RHOBTB1: variants seen among roughly 807,000 people sequenced by gnomAD.
RHOBTB1 encodes the protein rho-related BTB domain-containing protein 1.
Under a neutral mutation model 71.6 loss-of-function variants are expected in RHOBTB1, and 40 were observed. The observed-to-expected ratio is 0.56, with a 90% CI of 0.43 to 0.73. The LOEUF is 0.73. Ranked by LOEUF, RHOBTB1 falls within the 30% of genes least tolerant of loss-of-function variation. The pLI is 0.00. For missense variants in RHOBTB1, 797 were observed against 894.0 expected (o/e 0.89, Z 1.38); for synonymous variants, 319 against 334.9 (o/e 0.95, Z 0.52).
At chr10:60,980,400 T>C (rs899803984) in intron 2 of RHOBTB1, among the ~76,000 whole-genome samples, 1 of 152,162 alleles carries the variant, frequency 6.6e-6, no homozygotes, top group East Asian at 1.9e-4. Flanking sequence ...CTTTGGGAAC[T>C]TCAAGCATTG....
intron 2 of RHOBTB1, among the ~76,000 whole-genome samples, chr10:60,939,974 C>T (rs1449144442): frequency 6.6e-6 from 1 of 152,058 alleles, no homozygotes; most frequent in Non-Finnish European, 1.5e-5. Flanking sequence ...TTTATGGTTG[C>T]TTTATTGATA....
intron 7 of RHOBTB1, among the ~76,000 whole-genome samples, chr10:60,878,748 C>T (rs977415810): frequency 3.9e-5 from 6 of 152,224 alleles, no homozygotes; most frequent in African/African-American, 1.4e-4. Flanking sequence ...AGTCTCCTTC[C>T]TGAGTGCCTG....
chr10:60,873,320 G>T (rs1314177031), intron 9 of RHOBTB1, among the ~76,000 whole-genome samples: 1 of 152,180 alleles, frequency 6.6e-6, no homozygotes, highest in Non-Finnish European at 1.5e-5. Flanking sequence ...CATCAGCCAT[G>T]ATGGGAGTAT....
chr10:60,918,665 T>A (rs1222183234), intron 2 of RHOBTB1, among the ~76,000 whole-genome samples: 1 of 152,158 alleles, frequency 6.6e-6, no homozygotes, highest in Non-Finnish European at 1.5e-5. Flanking sequence ...CTAATTGCTG[T>A]GAATCATCCC....
chr10:60,957,038 A>G (rs1319659854), intron 2 of RHOBTB1, among the ~76,000 whole-genome samples: 1 of 152,196 alleles, frequency 6.6e-6, no homozygotes, highest in Non-Finnish European at 1.5e-5. Flanking sequence ...ATTTTGCTAT[A>G]TTTATAACAA....
rs905589139 is a variant in RHOBTB1, at chr10:60,871,322, G to A, written c.*160C>T. Reference sequence around the variant, plus strand: ...CTCATTGATGGTGAGCTTGTGCTTTGATCCTAACAAAGATAAATGCACAAA... The same window carrying A: ...CTCATTGATGGTGAGCTTGTGCTTTAATCCTAACAAAGATAAATGCACAAA... On this transcript the variant is annotated 3_prime_UTR_variant, in exon 11 of 11. Transcript: ENST00000337910. 3 of 655,122 alleles carry A rather than the reference G, an allele frequency of 4.6e-6. No homozygotes were observed. Among genetic ancestry groups the A allele is most frequent in the African/African-American group, 3.7e-5 (2 of 54,630 alleles). 40.6% of individuals were successfully genotyped at this position (655,122 alleles called of 1,614,324 possible). A position where few individuals can be genotyped will look rare whatever the true frequency, so the allele number is the denominator to read the frequency against.
intron 2 of RHOBTB1, among the ~76,000 whole-genome samples, chr10:60,960,040 T>C (rs2085725735): frequency 6.6e-6 from 1 of 152,182 alleles, no homozygotes; most frequent in African/African-American, 2.4e-5. Flanking sequence ...ACATGGAGAT[T>C]GGTAGGTGTT....
rs1255988250 is a variant in RHOBTB1, at chr10:60,886,302, A to G, written c.1457-72T>C. On this transcript the variant is annotated intron_variant, in intron 6 of 10. Transcript: ENST00000337910. ...AGCTTCAACCAAGGCTTCTGCTCCC[A>G]TAGCCACCAAACTGCGACTCCCTTA... is the stretch of plus-strand genomic sequence containing the variant. 10 of 1,046,464 alleles carry G rather than the reference A, an allele frequency of 9.6e-6. No individual in the cohort carries two copies. The Admixed American group carries it at 1.4e-4, about 15-fold the overall frequency. The allele number at this position is 1,046,464 out of a possible 1,614,324, so 64.8% of individuals were successfully genotyped here.
At position 60,999,163 on chromosome 10, in the gene RHOBTB1, A is replaced by C. The variant is rs372430478; in HGVS notation, c.-163+2236T>G. Among the ~76,000 whole-genome samples the C allele has an allele frequency of 1.2e-3, 177 of 152,344 alleles. 1 individual carries two copies. Among genetic ancestry groups the C allele is most frequent in the African/African-American group, 2.9e-3 (119 of 41,572 alleles). ...GTAGAGCAGAGGTTAAGTTACTTGG[A>C]TAAAGGAGGAGTGGCGGCAGAGGGA... On this transcript the variant is annotated intron_variant, in intron 1 of 11. Transcript: ENST00000357917.
At chr10:60,995,236 G>A (rs965589824) in intron 1 of RHOBTB1, among the ~76,000 whole-genome samples, 1 of 152,112 alleles carries the variant, frequency 6.6e-6, no homozygotes, top group Non-Finnish European at 1.5e-5. Context: ...TGCTTACTGT[G>A]TACCAGGCAC....
Position 60,883,109 on chromosome 10 carries a change from C to T in RHOBTB1, c.1575+3003G>A, listed in dbSNP as rs146871240. On this transcript the variant is annotated intron_variant, in intron 7 of 10. Transcript: ENST00000337910. The stretch of plus-strand genomic sequence containing the variant: ...AATAAAGTGAAGGGACGGGAAGGGG[C>T]GAGAATGTCGACAGCTCATTGCATT... 5.9e-5 allele frequency among the ~76,000 whole-genome samples: 9 copies of T among 152,178 alleles called. No homozygotes were observed. In the South Asian group the frequency reaches 1.7e-3, roughly 28 times the overall value.
In RHOBTB1 at chr10:60,875,000, C is replaced by T. The variant is rs752356271; in HGVS notation, c.1769G>A (p.Gly590Asp). 5 of 1,614,148 alleles carry T rather than the reference C, an allele frequency of 3.1e-6. No individual in the cohort carries two copies. The highest frequency in any genetic ancestry group is 4.2e-6 in the Non-Finnish European group (5 of 1,179,988). The change falls in exon 9 of 11, where the codon GGC becomes GAC. Residue 590 changes from glycine to aspartate, a missense_variant. By Grantham distance (94) the Gly-to-Asp change is moderately conservative (BLOSUM62 -1). Coordinates refer to ENST00000337910, the MANE Select transcript of RHOBTB1 (RefSeq NM_014836.5). ...GAGCACTTCTCCGTCAATGCCCACG[C>T]CACTCGTGGCGGCTTTGGTCAACTC... ...VQELTKAATS[G>D]VGIDGEVLSY... is the part of the protein sequence containing the mutation.
intron 4 of RHOBTB1, among the ~76,000 whole-genome samples, chr10:60,908,720 T>C (rs1266801439): frequency 1.3e-5 from 2 of 152,202 alleles, no homozygotes; most frequent in Non-Finnish European, 2.9e-5. Flanking sequence ...TATTTAGCAT[T>C]TACAGAAAGA....
chr10:60,990,856 C>G (rs541339604), intron 1 of RHOBTB1, among the ~76,000 whole-genome samples: 37 of 152,224 alleles, frequency 2.4e-4, no homozygotes, highest in Non-Finnish European at 4.7e-4. Flanking sequence ...ATATCTCTGA[C>G]AAGCCCCACA....
downstream of RHOBTB1, among the ~76,000 whole-genome samples, chr10:60,864,566 G>A (rs1006019926): frequency 4.6e-5 from 7 of 152,148 alleles, no homozygotes; most frequent in South Asian, 2.1e-4. Flanking sequence ...AGCAACCAGC[G>A]GAATAGCATT....
At chr10:60,975,729 A>G (rs1246176568) in intron 2 of RHOBTB1, among the ~76,000 whole-genome samples, 1 of 152,108 alleles carries the variant, frequency 6.6e-6, no homozygotes, top group Non-Finnish European at 1.5e-5. Context: ...GTTTTTCCAT[A>G]TAAGCATCTC....
intron 4 of RHOBTB1, among the ~76,000 whole-genome samples, chr10:60,905,449 C>CAAAAAAA (rs35538782): frequency 1.0e-4 from 5 of 48,988 alleles, no homozygotes; most frequent in African/African-American, 2.3e-4. Flanking sequence ...GACTCTTTCT[C>CAAAAAAA]AAAAAAAAAA....
At chr10:60,861,781 C>T in the RHOBTB1 span, among the ~76,000 whole-genome samples, 27,532 of 152,096 alleles carry the variant, frequency 0.18, 2,787 homozygotes, top group African/African-American at 0.27. Context: ...TGTGAAAGAA[C>T]GTAAAAAGAT....
At chr10:60,954,103 T>G (rs1217894130) in intron 2 of RHOBTB1, among the ~76,000 whole-genome samples, 1 of 152,204 alleles carries the variant, frequency 6.6e-6, no homozygotes, top group African/African-American at 2.4e-5. Flanking sequence ...TTTATTTGGC[T>G]CTACAAATAC....
Sources: gnomAD v4.1 joint callset for allele counts (sites outside exome capture counted in the v4.1 genomes callset) on GRCh38, gnomAD v4.1.1 for gene constraint, MANE v1.5 for transcripts, NCBI Gene and HGNC (gene_info 2026-07-23, HGNC 2026-07-21) for gene names.